Variants in ENTREP2 observed in about 807,000 individuals in gnomAD.
ENTREP2 encodes endosomal transmembrane epsin interactor 2.
chr15:29,165,056 C>T, the ENTREP2 span, among the ~76,000 whole-genome samples: 2 of 152,088 alleles, frequency 1.3e-5, no homozygotes, highest in African/African-American at 2.4e-5. Flanking sequence ...AATTAAATAA[C>T]CTACTCCTGA....
At chr15:29,162,342 T>C in the ENTREP2 span, among the ~76,000 whole-genome samples, 1 of 152,180 alleles carries the variant, frequency 6.6e-6, no homozygotes, top group Non-Finnish European at 1.5e-5. Context: ...GCAAATCTGG[T>C]GTGCAGATTC....
chr15:29,603,687 A>T, the ENTREP2 span, among the ~76,000 whole-genome samples: 1 of 152,150 alleles, frequency 6.6e-6, no homozygotes, highest in Non-Finnish European at 1.5e-5. Context: ...CATCCAGGCC[A>T]GAGTGCAATG....
chr15:29,550,939 A>C, the ENTREP2 span, among the ~76,000 whole-genome samples: 30 of 152,298 alleles, frequency 2.0e-4, no homozygotes, highest in African/African-American at 6.5e-4. Context: ...GTCACACAGC[A>C]AATATGAGAA....
the ENTREP2 span, among the ~76,000 whole-genome samples, chr15:29,526,601 A>G: frequency 0.012 from 1,774 of 151,694 alleles, 27 homozygotes; most frequent in African/African-American, 0.041. Flanking sequence ...GTAACAGACT[A>G]TAGGCACATG....
chr15:29,589,153 C>T, the ENTREP2 span, among the ~76,000 whole-genome samples: 6 of 152,064 alleles, frequency 3.9e-5, no homozygotes, highest in Admixed American at 2.0e-4. Context: ...GGGCCAGGCA[C>T]GTGGAGGAGA....
At chr15:29,331,737 C>T in the ENTREP2 span, among the ~76,000 whole-genome samples, 3 of 152,214 alleles carry the variant, frequency 2.0e-5, no homozygotes, top group Admixed American at 6.5e-5. Context: ...TCCGTCTTCT[C>T]ACCCCAACAA....
At chr15:29,124,644 C>T in the ENTREP2 span, 1 of 1,520,556 alleles carries the variant, frequency 6.6e-7, no homozygotes, top group Non-Finnish European at 8.9e-7. Flanking sequence ...GCCCCACCTC[C>T]CAGCAGGCGC....
chr15:29,254,077 A>C, the ENTREP2 span, among the ~76,000 whole-genome samples: 2 of 150,834 alleles, frequency 1.3e-5, no homozygotes, highest in African/African-American at 2.4e-5. Flanking sequence ...CTAATGAAGA[A>C]AGACCCTTTT....
the ENTREP2 span, among the ~76,000 whole-genome samples, chr15:29,373,149 T>C: frequency 2.6e-5 from 4 of 151,540 alleles, no homozygotes; most frequent in Non-Finnish European, 5.9e-5. Context: ...AACAGAAAAG[T>C]ATTATGATCT....
At chr15:29,406,416 C>T in the ENTREP2 span, among the ~76,000 whole-genome samples, 3 of 152,082 alleles carry the variant, frequency 2.0e-5, no homozygotes, top group East Asian at 3.9e-4. Flanking sequence ...AGCATCATAG[C>T]AGGTGCCTGT....
the ENTREP2 span, among the ~76,000 whole-genome samples, chr15:29,492,531 A>C: frequency 6.6e-6 from 1 of 152,218 alleles, no homozygotes; most frequent in Non-Finnish European, 1.5e-5. Context: ...CCAGGCAGAT[A>C]CCTCAAGAGC....
At chr15:29,402,019 T>C in the ENTREP2 span, among the ~76,000 whole-genome samples, 2 of 152,114 alleles carry the variant, frequency 1.3e-5, no homozygotes, top group Admixed American at 6.6e-5. Context: ...AACTTGCTTT[T>C]AAATGTGTAA....
the ENTREP2 span, among the ~76,000 whole-genome samples, chr15:29,529,110 A>G: frequency 1.6e-5 from 2 of 125,418 alleles, no homozygotes; most frequent in Admixed American, 8.7e-5. Context: ...GGATTCTCCA[A>G]CCTGCAAAAC....
At chr15:29,637,227 G>A in the ENTREP2 span, among the ~76,000 whole-genome samples, 1 of 152,168 alleles carries the variant, frequency 6.6e-6, no homozygotes, top group African/African-American at 2.4e-5. Flanking sequence ...ATGTTACTAT[G>A]CTCTGATACA....
At chr15:29,322,931 T>C in the ENTREP2 span, among the ~76,000 whole-genome samples, 1 of 152,260 alleles carries the variant, frequency 6.6e-6, no homozygotes, top group African/African-American at 2.4e-5. Context: ...GCTTGAGACC[T>C]GTCTCAGATA....
the ENTREP2 span, among the ~76,000 whole-genome samples, chr15:29,380,814 G>T: frequency 6.6e-6 from 1 of 151,142 alleles, no homozygotes; most frequent in Non-Finnish European, 1.5e-5. Flanking sequence ...GCATAAACAG[G>T]CTTTAATGTC....
chr15:29,654,221 T>C, the ENTREP2 span, among the ~76,000 whole-genome samples: 1 of 152,228 alleles, frequency 6.6e-6, no homozygotes, highest in Non-Finnish European at 1.5e-5. Flanking sequence ...GTACACTAAA[T>C]TCTGTGACTA....
chr15:29,379,452 CCCCTTCTCCT>C, the ENTREP2 span, among the ~76,000 whole-genome samples: 15 of 152,324 alleles, frequency 9.8e-5, no homozygotes, highest in Admixed American at 6.5e-4. Flanking sequence ...GCCACATGAA[CCCCTTCTCCT>C]CTGCCTGGGG....
chr15:29,494,659 C>T, the ENTREP2 span, among the ~76,000 whole-genome samples: 3 of 152,204 alleles, frequency 2.0e-5, no homozygotes, highest in African/African-American at 7.2e-5. Context: ...CCAACACCTA[C>T]CCATTTCCCA....
Sources: allele counts gnomAD v4.1 joint callset (sites outside exome capture counted in the v4.1 genomes callset), GRCh38; gene constraint gnomAD v4.1.1; transcripts MANE v1.5; gene names NCBI Gene and HGNC (gene_info 2026-07-23, HGNC 2026-07-21).